The following ZNF182 variants were observed in gnomAD, a reference collection of about 807,000 sequenced individuals.
ZNF182 encodes the protein zinc finger protein 182, also known as zinc finger protein 21 (KOX 14).
In ZNF182, 10 loss-of-function variants were observed where a neutral mutation model predicts 28.1. That is an observed-to-expected ratio of 0.36 (90% CI 0.22 to 0.60). The LOEUF (loss-of-function observed/expected upper bound fraction) is 0.60. ZNF182 is among the 20% of genes least tolerant of loss of function. The probability of loss-of-function intolerance (pLI) is 0.75; values close to 1 mark genes in which losing one functional copy is unlikely to be tolerated. For synonymous variants in ZNF182, 156 were observed against 158.7 expected (o/e 0.98, Z 0.13); for missense variants, 352 against 453.2 (o/e 0.78, Z 2.03).
intron 3 of ZNF182, among the ~76,000 whole-genome samples, chrX:47,984,559 C>G (rs1427606473): frequency 5.4e-5 from 6 of 110,478 alleles, no homozygotes; most frequent in Non-Finnish European, 1.1e-4. Flanking sequence ...CACAATCATT[C>G]AATGGAATGC....
rs2058930248 is a variant in ZNF182, at chrX:47,988,423, T to C, written c.16-5012A>G. ...TGGCTTGGTGCCATTCCTTTGGTGA[T>C]GAGTGACTTTTCACTCTATTTGTTC... is the stretch of plus-strand genomic sequence containing the variant. On this transcript the variant is annotated intron_variant, in intron 3 of 5. Coordinates refer to ENST00000376943, the MANE Select transcript of ZNF182 (RefSeq NM_001007088.2). The C allele has an allele frequency of 9.1e-6, 3 of 331,256 alleles. No individual in the cohort carries two copies. In the South Asian group the frequency reaches 3.2e-4, roughly 35 times the overall value. The allele number at this position is 331,256 out of a possible 1,213,427, so 27.3% of individuals were successfully genotyped here. A position where few individuals can be genotyped will look rare whatever the true frequency, so the allele number is the denominator to read the frequency against.
intron 3 of ZNF182, among the ~76,000 whole-genome samples, chrX:47,995,590 A>G (rs1556900991): frequency 9.0e-6 from 1 of 111,709 alleles, no homozygotes; most frequent in Non-Finnish European, 1.9e-5. Flanking sequence ...GAGGAGAAAG[A>G]GGATAGTACA....
At chrX:47,996,783 T>C (rs1416131939) in intron 3 of ZNF182, among the ~76,000 whole-genome samples, 1 of 110,971 alleles carries the variant, frequency 9.0e-6, no homozygotes, top group Non-Finnish European at 1.9e-5. Context: ...ATAAGAGAAA[T>C]GGACATCAGA....
At chrX:47,980,975 T>C (rs1253082610) in intron 5 of ZNF182, among the ~76,000 whole-genome samples, 4 of 111,968 alleles carry the variant, frequency 3.6e-5, no homozygotes, top group Non-Finnish European at 5.6e-5. Context: ...CAACTCGCTA[T>C]ACACAAGCAA....
Position 47,975,940 on chromosome X carries a change from G to C in ZNF182, c.*227C>G, listed in dbSNP as rs782082279. On this transcript the variant is annotated 3_prime_UTR_variant, in exon 6 of 6. Transcript: ENST00000376943. ...CACCAGTGCTTCATTTCCTCTGCCT[G>C]TGGCAGCCCTCTCATTAGGGTTGCA... The C allele has an allele frequency of 3.1e-5, 10 of 317,525 alleles. No individual in the cohort carries two copies. The highest frequency in any genetic ancestry group is 4.9e-5 in the Non-Finnish European group (9 of 185,505). 26.2% of individuals were successfully genotyped at this position (317,525 alleles called of 1,213,427 possible).
At chrX:47,998,814 G>A (rs1412962415) in intron 3 of ZNF182, among the ~76,000 whole-genome samples, 5 of 100,260 alleles carry the variant, frequency 5.0e-5, no homozygotes, top group African/African-American at 1.1e-4. Flanking sequence ...AGCCGAGATC[G>A]CACCACTATA....
At chrX:47,982,458 T>C (rs2058909204) in intron 5 of ZNF182, among the ~76,000 whole-genome samples, 1 of 112,423 alleles carries the variant, frequency 8.9e-6, no homozygotes, top group South Asian at 3.6e-4. Context: ...GGGTGAATTT[T>C]ATGATATGTG....
Position 47,979,913 on chromosome X carries a change from A to G in ZNF182, c.233-2116T>C, listed in dbSNP as rs782231280. Among the ~76,000 whole-genome samples, 145 of 98,792 alleles carry G rather than the reference A, an allele frequency of 1.5e-3. 1 individual carries two copies. Among genetic ancestry groups the G allele is most frequent in the South Asian group, 2.4e-3 (5 of 2,086 alleles). The allele number at this position is 98,792 out of a possible 115,157, so 85.8% of individuals were successfully genotyped here. On this transcript the variant is annotated intron_variant, in intron 5 of 5. Coordinates refer to ENST00000376943, the MANE Select transcript of ZNF182 (RefSeq NM_001007088.2). Reference sequence around the variant, plus strand: ...TGTGTGTGTGTGTGTGTGTTATGGTATAAGTTTCATCACTTTGCTTCTTTT... The same window carrying G: ...TGTGTGTGTGTGTGTGTGTTATGGTGTAAGTTTCATCACTTTGCTTCTTTT...
At chrX:48,002,539 T>C (rs1556902025) in intron 3 of ZNF182, 56 bp downstream of exon 3, 1 of 1,195,595 alleles carries the variant, frequency 8.4e-7, no homozygotes, top group Admixed American at 2.2e-5. Flanking sequence ...GATTTCCACA[T>C]ATTTCGTCAC....
intron 3 of ZNF182, 63 bp from the exon 4 acceptor site, chrX:47,983,474 C>T (rs1393333487): frequency 1.2e-5 from 13 of 1,101,864 alleles, no homozygotes; most frequent in South Asian, 9.6e-5. Context: ...ATAAAATGCA[C>T]GGGAACTTCT....
intron 3 of ZNF182, among the ~76,000 whole-genome samples, chrX:47,988,055 G>A (rs1273714904): frequency 9.0e-6 from 1 of 111,048 alleles, no homozygotes; most frequent in Non-Finnish European, 1.9e-5. Flanking sequence ...GGTGACTCAT[G>A]CCTGTAATCC....
Position 47,977,207 on chromosome X carries a change from C to T in ZNF182, c.823G>A (p.Glu275Lys), listed in dbSNP as rs2146456514. The change falls in exon 6 of 6, where the codon GAA (glutamate) becomes AAA (lysine). Residue 275 changes from glutamate (E) to lysine (K), a missense_variant. Physicochemically the swap from Glu to Lys is moderately conservative, Grantham distance 56 (BLOSUM62 1). Transcript: ENST00000376943. ...TTTTCTCTGAAGGCTTTTCCACATT[C>T]AGGACACTCAAAGGGTCTCTCTCCT... is the stretch of plus-strand genomic sequence containing the variant. Reference protein sequence around the residue: ...HTGERPFECPECGKAFREKST... With the variant: ...HTGERPFECPKCGKAFREKST... The T allele has an allele frequency of 8.3e-7, 1 of 1,208,214 alleles. No individual in the cohort carries two copies. The highest frequency in any genetic ancestry group is 1.1e-6 in the Non-Finnish European group (1 of 894,200).
At chrX:47,987,103 G>A (rs1169933746) in intron 3 of ZNF182, among the ~76,000 whole-genome samples, 1 of 111,658 alleles carries the variant, frequency 9.0e-6, no homozygotes, top group East Asian at 2.8e-4. Flanking sequence ...TATCAGTTCT[G>A]TCCCTCTAGA....
chrX:47,977,643 T>G lies in ZNF182; in HGVS notation c.387A>C (p.Thr129=), dbSNP rs1556898502. The G allele has an allele frequency of 8.3e-7, 1 of 1,211,299 alleles. No homozygotes were observed. The highest frequency in any genetic ancestry group is 1.1e-6 in the Non-Finnish European group (1 of 895,084). Residue 129 remains threonine, a synonymous_variant, in exon 6 of 6, where the codon ACA becomes ACC. Coordinates refer to ENST00000376943, the MANE Select transcript of ZNF182 (RefSeq NM_001007088.2). ...HEFGNILHLS[T]NLVASIQRPD... ...GTCTTTGTATTGAAGCAACAAGGTT[T>G]GTACTCAGATGAAGTATGTTTCCAA...
At chrX:47,982,896 A>G (rs1306129001) in intron 5 of ZNF182, 53 bp downstream of exon 5, 21 of 1,126,886 alleles carry the variant, frequency 1.9e-5, no homozygotes, top group Non-Finnish European at 3.7e-6. Flanking sequence ...CTCACCTCTG[A>G]CTAATAGGGT....
At chrX:48,001,961 T>C (rs1278682726) in intron 3 of ZNF182, among the ~76,000 whole-genome samples, 2 of 111,500 alleles carry the variant, frequency 1.8e-5, no homozygotes, top group Non-Finnish European at 3.8e-5. Flanking sequence ...AAAATCAATT[T>C]CACTGTATGT....
At chrX:47,979,007 T>C (rs1479182647) in intron 5 of ZNF182, among the ~76,000 whole-genome samples, 1 of 112,491 alleles carries the variant, frequency 8.9e-6, no homozygotes, top group African/African-American at 3.2e-5. Flanking sequence ...ATCTATGGCA[T>C]CTTGAAGTTA....
chrX:47,989,462 C>A (rs1322398303), intron 3 of ZNF182, among the ~76,000 whole-genome samples: 2 of 110,398 alleles, frequency 1.8e-5, no homozygotes, highest in African/African-American at 6.6e-5. Context: ...CATCATATGC[C>A]CCTGATGTGA....
At chrX:47,995,103 G>A (rs1431123932) in intron 3 of ZNF182, among the ~76,000 whole-genome samples, 1 of 109,164 alleles carries the variant, frequency 9.2e-6, no homozygotes, top group Admixed American at 9.8e-5. Flanking sequence ...AGGCTGAGGC[G>A]GGCAGATCAC....
Sources: gnomAD v4.1 joint callset for allele counts (sites outside exome capture counted in the v4.1 genomes callset) on GRCh38, gnomAD v4.1.1 for gene constraint, MANE v1.5 for transcripts, NCBI Gene and HGNC (gene_info 2026-07-23, HGNC 2026-07-21) for gene names.